The following DNAH12 variants were observed in gnomAD, a reference collection of about 807,000 sequenced individuals.
DNAH12 encodes the protein dynein axonemal heavy chain 12.
In DNAH12, 285 loss-of-function variants were observed where a neutral mutation model predicts 371.5. The observed-to-expected ratio is 0.77, with a 90% CI of 0.70 to 0.85. The LOEUF is 0.85. Among genes scored for constraint, DNAH12 ranks in the 40% least tolerant of loss-of-function variants. The probability of loss-of-function intolerance (pLI) is 0.00; values close to 1 mark genes in which losing one functional copy is unlikely to be tolerated. For synonymous variants in DNAH12, 1,200 were observed against 1,213.0 expected (o/e 0.99, Z 0.22); for missense variants, 3,611 against 3,689.4 (o/e 0.98, Z 0.55).
chr3:57,422,485 C>T (rs1026979919), intron 35 of DNAH12, among the ~76,000 whole-genome samples: 5 of 152,158 alleles, frequency 3.3e-5, no homozygotes, highest in Admixed American at 1.3e-4. Flanking sequence ...TGAGACACCG[C>T]GCCCGGCCTC....
intron 55 of DNAH12, among the ~76,000 whole-genome samples, chr3:57,371,161 C>T (rs1305040019): frequency 1.5e-4 from 23 of 152,282 alleles, no homozygotes; most frequent in African/African-American, 4.8e-4. Flanking sequence ...CTGGAAGAAG[C>T]AAAGGCAACA....
chr3:57,353,932 T>C (rs1190831312), intron 59 of DNAH12, among the ~76,000 whole-genome samples: 2 of 152,206 alleles, frequency 1.3e-5, no homozygotes, highest in Non-Finnish European at 2.9e-5. Context: ...CTGGTGGGAA[T>C]GTAAATTAGT....
chr3:57,515,503 A>G (rs1184663274), intron 4 of DNAH12, among the ~76,000 whole-genome samples: 3 of 152,116 alleles, frequency 2.0e-5, no homozygotes, highest in Non-Finnish European at 4.4e-5. Flanking sequence ...CCAGCTACTC[A>G]GGAGGCTGGG....
chr3:57,542,738 T>C lies in DNAH12; in HGVS notation c.133A>G (p.Arg45Gly). 1.9e-6 allele frequency: 3 copies of C among 1,608,386 alleles called. No homozygotes were observed. Among genetic ancestry groups the C allele is most frequent in the African/African-American group, 2.7e-5 (2 of 74,576 alleles). ...PTQSKLLKYR[R>G]SKEQQQKINQ... is the part of the protein sequence containing the mutation. ...ATTTTCTGCTGCTGCTCCTTGGATC[T>C]TCTGTATTTTAGCAGCTTACTTTGT... The change falls in exon 2 of 74, where the codon AGA becomes GGA. Residue 45 changes from arginine (R) to glycine (G), a missense_variant. Around this residue, in one of 3 missense-constraint regions of DNAH12, gnomAD observed 1,314 missense variants for 1,398.7 expected, o/e 0.94. Transcript: ENST00000495027.
intron 56 of DNAH12, among the ~76,000 whole-genome samples, chr3:57,367,594 G>A (rs2063079117): frequency 6.6e-6 from 1 of 152,112 alleles, no homozygotes; most frequent in Admixed American, 6.6e-5. Flanking sequence ...ATATTAGCTG[G>A]ACAATGTTTA....
intron 13 of DNAH12, 49 bp from the exon 14 acceptor site, chr3:57,472,720 A>G: frequency 6.6e-7 from 1 of 1,513,518 alleles, no homozygotes; most frequent in Non-Finnish European, 8.9e-7. Flanking sequence ...AATCTACATC[A>G]TTATGAAAAA....
chr3:57,413,496 T>C (rs1194956334), intron 39 of DNAH12, among the ~76,000 whole-genome samples: 1 of 152,062 alleles, frequency 6.6e-6, no homozygotes, highest in Non-Finnish European at 1.5e-5. Context: ...ATGTGCCAAT[T>C]TGGTGGGGAT....
Position 57,408,366 on chromosome 3 carries a change from A to G in DNAH12, c.6190T>C (p.Ser2064Pro). The G allele has an allele frequency of 1.3e-6, 2 of 1,551,644 alleles. No individual in the cohort carries two copies. The highest frequency in any genetic ancestry group is 1.7e-6 in the Non-Finnish European group (2 of 1,146,932). ...SDETMVRIFS[S>P]IVAFYLRTHE... The stretch of plus-strand genomic sequence containing the variant: ...GTTCTAAGGTAGAATGCTACAATAG[A>G]TGAGAAGATTCGGACCATAGTTTCA... The change falls in exon 40 of 74, where the codon TCT becomes CCT. Residue 2064 changes from serine (S) to proline (P), a missense_variant. Ser to Pro is a moderately conservative substitution (Grantham distance 74). This residue lies in a region of DNAH12 where 2,266 missense variants were observed against 2,236.9 expected (regional missense o/e 1.01). Transcript: ENST00000495027.
intron 19 of DNAH12, 104 bp downstream of exon 19, chr3:57,461,385 C>G: frequency 9.2e-7 from 1 of 1,082,870 alleles, no homozygotes; most frequent in South Asian, 1.6e-5. Context: ...TGAATAAACA[C>G]TTAAAAAACC....
intron 70 of DNAH12, among the ~76,000 whole-genome samples, chr3:57,301,095 G>C (rs943229857): frequency 3.3e-5 from 5 of 151,850 alleles, no homozygotes; most frequent in African/African-American, 1.2e-4. Context: ...TGAGGCACCA[G>C]CGTGGGGTAC....
At chr3:57,449,976 A>G (rs943908821) in intron 25 of DNAH12, among the ~76,000 whole-genome samples, 8 of 152,212 alleles carry the variant, frequency 5.3e-5, no homozygotes, top group Non-Finnish European at 1.0e-4. Flanking sequence ...GGGTGGGCAC[A>G]GTGGCTCACA....
Position 57,520,067 on chromosome 3 carries a change from CGGCT to C in DNAH12, c.279+3512_279+3515del, listed in dbSNP as rs2068358643. On this transcript the variant is annotated intron_variant, in intron 4 of 73. Coordinates refer to ENST00000495027, the MANE Select transcript of DNAH12 (RefSeq NM_001366028.2). ...GGTTGGGGAAAGCCGGAGGCTGTGG[CGGCT>C]CTGTGGCTACAGCGTTACCTTATCT... 19 of 527,460 alleles carry C rather than the reference CGGCT, an allele frequency of 3.6e-5. No individual in the cohort carries two copies. The South Asian group carries it at 3.9e-4, about 11-fold the overall frequency. The allele number at this position is 527,460 out of a possible 1,614,324, so 32.7% of individuals were successfully genotyped here. A position where few individuals can be genotyped will look rare whatever the true frequency, so the allele number is the denominator to read the frequency against.
At chr3:57,404,903 T>C (rs1339600699) in intron 42 of DNAH12, 66 bp downstream of exon 42, 3 of 1,371,456 alleles carry the variant, frequency 2.2e-6, no homozygotes, top group East Asian at 2.8e-5. Context: ...TTTTGGTACA[T>C]TTCAAACATT....
intron 2 of DNAH12, among the ~76,000 whole-genome samples, chr3:57,533,725 T>C (rs1163742730): frequency 1.3e-5 from 2 of 152,350 alleles, no homozygotes; most frequent in Admixed American, 6.5e-5. Context: ...GTATCCCAGA[T>C]GCAAGACAAA....
chr3:57,516,701 C>A (rs2068211631), intron 4 of DNAH12, among the ~76,000 whole-genome samples: 1 of 152,218 alleles, frequency 6.6e-6, no homozygotes. Context: ...AGACTGTTAT[C>A]TTGTACAACT....
At chr3:57,540,867 C>G (rs2069248501) in intron 2 of DNAH12, among the ~76,000 whole-genome samples, 1 of 151,634 alleles carries the variant, frequency 6.6e-6, no homozygotes, top group Non-Finnish European at 1.5e-5. Context: ...GAGGTTGAGG[C>G]TCCAGTGAGC....
intron 44 of DNAH12, among the ~76,000 whole-genome samples, chr3:57,393,698 T>TGATAGTAGC (rs1191028564): frequency 7.0e-6 from 1 of 142,530 alleles, no homozygotes; most frequent in Non-Finnish European, 1.5e-5. Context: ...TTAAAGTAGG[T>TGATAGTAGC]GATAGTAGCA....
intron 11 of DNAH12, among the ~76,000 whole-genome samples, chr3:57,497,441 A>C (rs1261455019): frequency 6.6e-6 from 1 of 152,234 alleles, no homozygotes; most frequent in African/African-American, 2.4e-5. Context: ...CCACAGATAT[A>C]GGGTCAATTG....
chr3:57,403,728 T>C (rs1255806837), intron 42 of DNAH12, among the ~76,000 whole-genome samples: 1 of 152,182 alleles, frequency 6.6e-6, no homozygotes, highest in Non-Finnish European at 1.5e-5. Flanking sequence ...TTCAGGAAAT[T>C]TGATATACAA....
Sources: gnomAD v4.1 joint callset for allele counts (sites outside exome capture counted in the v4.1 genomes callset) on GRCh38, gnomAD v4.1.1 for gene constraint, gnomAD v4.1.1 regional missense constraint, MANE v1.5 for transcripts, NCBI Gene and HGNC (gene_info 2026-07-23, HGNC 2026-07-21) for gene names.